The following SYT1 variants were observed in gnomAD, a reference collection of about 807,000 sequenced individuals.
SYT1 encodes synaptotagmin 1.
In SYT1, 8 loss-of-function variants were observed where a neutral mutation model predicts 44.8. The ratio of observed to expected loss-of-function variants is 0.18; its 90% CI spans 0.10 to 0.32. The LOEUF is 0.32. Ranked by LOEUF, SYT1 falls within the 10% of genes least tolerant of loss-of-function variation. The pLI, the probability that SYT1 is intolerant of heterozygous loss-of-function variation, is 1.00. For missense variants in SYT1, 286 were observed against 509.3 expected, an observed-to-expected ratio of 0.56 and a Z score of 4.22; for synonymous variants, 154 against 188.8, an observed-to-expected ratio of 0.82 and a Z score of 1.51.
intron 2 of SYT1, among the ~76,000 whole-genome samples, chr12:78,979,486 A>C (rs7966980): frequency 0.088 from 13,429 of 152,134 alleles, 760 homozygotes; most frequent in African/African-American, 0.15. Context: ...TTATAATGTA[A>C]TCCAAAGTGA....
At chr12:79,358,021 C>G (rs1883177700) in intron 9 of SYT1, among the ~76,000 whole-genome samples, 1 of 152,146 alleles carries the variant, frequency 6.6e-6, no homozygotes, top group African/African-American at 2.4e-5. Context: ...ACTCCTAAGT[C>G]AGAGACTAAT....
intron 2 of SYT1, among the ~76,000 whole-genome samples, chr12:78,979,277 T>G (rs1041055073): frequency 2.0e-5 from 3 of 152,120 alleles, no homozygotes; most frequent in African/African-American, 7.2e-5. Context: ...CTTAAAATAT[T>G]TCCATTTTGT....
At chr12:78,934,635 G>C (rs940671631) in intron 1 of SYT1, among the ~76,000 whole-genome samples, 2 of 152,088 alleles carry the variant, frequency 1.3e-5, no homozygotes, top group African/African-American at 4.8e-5. Context: ...TCAAAAACTA[G>C]ATTAATTTTC....
intron 3 of SYT1, among the ~76,000 whole-genome samples, chr12:79,134,644 C>G (rs868707380): frequency 6.6e-6 from 1 of 152,082 alleles, no homozygotes; most frequent in Non-Finnish European, 1.5e-5. Flanking sequence ...TCCCTTAAGT[C>G]TACCTACATT....
intron 8 of SYT1, among the ~76,000 whole-genome samples, chr12:79,349,049 G>GAAAGAAAGAAAGAGAAAGAA (rs1565919980): frequency 2.4e-5 from 3 of 123,766 alleles, no homozygotes; most frequent in African/African-American, 9.0e-5. Context: ...AAGAAAGAAA[G>GAAAGAAAGAAAGAGAAAGAA]AAAGAAAGGA....
chr12:79,433,293 G>A (rs1184633257), intron 9 of SYT1, among the ~76,000 whole-genome samples: 1 of 152,176 alleles, frequency 6.6e-6, no homozygotes, highest in African/African-American at 2.4e-5. Context: ...GTAGTCATAT[G>A]ACGTATAAGA....
chr12:78,943,063 C>A (rs563446822), intron 1 of SYT1, among the ~76,000 whole-genome samples: 1 of 152,260 alleles, frequency 6.6e-6, no homozygotes, highest in East Asian at 1.9e-4. Flanking sequence ...TATTCATTGA[C>A]TAAGAAGAAG....
chr12:79,019,345 A>T (rs1232927685), intron 2 of SYT1, among the ~76,000 whole-genome samples: 1 of 152,066 alleles, frequency 6.6e-6, no homozygotes, highest in African/African-American at 2.4e-5. Context: ...TTTGAAGCCA[A>T]ATTAAGTTAC....
chr12:79,229,206 G>A (rs779445923), intron 4 of SYT1, among the ~76,000 whole-genome samples: 28 of 152,200 alleles, frequency 1.8e-4, no homozygotes, highest in Non-Finnish European at 3.2e-4. Context: ...CAGCCTAAAC[G>A]GGGAGGAGGA....
At chr12:79,007,162 TCTC>T (rs1419873483) in intron 2 of SYT1, among the ~76,000 whole-genome samples, 2 of 151,962 alleles carry the variant, frequency 1.3e-5, no homozygotes, top group Non-Finnish European at 2.9e-5. Context: ...GAGAAGCAAA[TCTC>T]CCCTCAAAAT....
At chr12:79,086,273 T>C (rs574871532) in intron 3 of SYT1, among the ~76,000 whole-genome samples, 36 of 152,076 alleles carry the variant, frequency 2.4e-4, no homozygotes, top group African/African-American at 8.4e-4. Flanking sequence ...TAGGTATATG[T>C]GTGTGTGTGA....
intron 1 of SYT1, among the ~76,000 whole-genome samples, chr12:78,898,426 A>G (rs1875480450): frequency 6.6e-6 from 1 of 152,092 alleles, no homozygotes; most frequent in Non-Finnish European, 1.5e-5. Context: ...TGGTTATTTT[A>G]TCATTGTGTC....
intron 3 of SYT1, among the ~76,000 whole-genome samples, chr12:79,181,708 C>A (rs1351361487): frequency 7.2e-5 from 11 of 151,952 alleles, no homozygotes; most frequent in Non-Finnish European, 1.5e-5. Context: ...GCTTTCACTG[C>A]TACTCAGTAC....
At position 79,253,511 on chromosome 12, in the gene SYT1, C is replaced by G. The variant is rs186423781; in HGVS notation, c.167-32276C>G. 1.1e-4 allele frequency among the ~76,000 whole-genome samples: 16 copies of G among 151,844 alleles called. No homozygotes were observed. In the East Asian group the frequency reaches 2.9e-3, roughly 28 times the overall value. On this transcript the variant is annotated intron_variant, in intron 4 of 10. Transcript: ENST00000261205. ...TCTCTCTCTCTCTCTCTCTCTCTCT[C>G]TCTCTCTCTCTCTCACCTCAGAAAG... is the stretch of plus-strand genomic sequence containing the variant.
intron 9 of SYT1, among the ~76,000 whole-genome samples, chr12:79,378,357 C>T (rs1007438909): frequency 6.6e-6 from 1 of 152,146 alleles, no homozygotes; most frequent in Admixed American, 6.5e-5. Flanking sequence ...TAATCTGTGT[C>T]ACATAAACAC....
chr12:79,036,250 T>A (rs1018161893), intron 2 of SYT1, among the ~76,000 whole-genome samples: 1 of 151,758 alleles, frequency 6.6e-6, no homozygotes, highest in Admixed American at 6.6e-5. Context: ...AAGTGTTGAA[T>A]TTTGTGTTAC....
At chr12:79,048,344 T>C (rs1007692623) in intron 3 of SYT1, among the ~76,000 whole-genome samples, 4 of 151,930 alleles carry the variant, frequency 2.6e-5, no homozygotes, top group Admixed American at 1.3e-4. Flanking sequence ...ATAATAACAT[T>C]TTTTAGCCCC....
At chr12:79,156,322 C>T (rs916937635) in intron 3 of SYT1, among the ~76,000 whole-genome samples, 2 of 152,086 alleles carry the variant, frequency 1.3e-5, no homozygotes, top group African/African-American at 2.4e-5. Context: ...ATGGCTTGTA[C>T]GGGTAAATTA....
chr12:79,261,844 G>A (rs1330025587), intron 4 of SYT1, among the ~76,000 whole-genome samples: 1 of 152,076 alleles, frequency 6.6e-6, no homozygotes, highest in Non-Finnish European at 1.5e-5. Context: ...ACAATTCTCT[G>A]AGTCCAAACC....
Sources: gnomAD v4.1 joint callset for allele counts (sites outside exome capture counted in the v4.1 genomes callset) on GRCh38, gnomAD v4.1.1 for gene constraint, MANE v1.5 for transcripts, NCBI Gene and HGNC (gene_info 2026-07-23, HGNC 2026-07-21) for gene names.